The following RYR1 variants were observed in gnomAD, a reference collection of about 807,000 sequenced individuals.
RYR1 encodes ryanodine receptor 1, also known as central core disease of muscle.
RYR1 carries 342 observed loss-of-function variants against 583.5 expected under a neutral mutation model. The observed-to-expected ratio is 0.59, with a 90% confidence interval of 0.54 to 0.64. RYR1 has a LOEUF of 0.64. Among genes scored for constraint, RYR1 ranks in the 30% least tolerant of loss-of-function variants. RYR1 has a pLI of 0.00. For missense variants in RYR1, 6,032 were observed against 6,917.2 expected (o/e 0.87, Z 4.54); for synonymous variants, 2,791 against 2,822.5 (o/e 0.99, Z 0.35).
In RYR1 at chr19:38,490,096, T is replaced by C. The variant is rs1482663027; in HGVS notation, c.5835T>C (p.Tyr1945=). The change falls in exon 36 of 106, where the codon TAT becomes TAC. Residue 1945 remains tyrosine (Y), a synonymous_variant. Transcript: ENST00000359596. ...CACAGATGTGCCACCTGCTGGAGTA[T>C]TTCTGTGACCAAGAGCTGCAGCACC... ...VKLQMCHLLE[Y]FCDQELQHRV... is the part of the protein sequence containing the mutation. The C allele has an allele frequency of 1.2e-6, 2 of 1,614,146 alleles. No individual in the cohort carries two copies. The highest frequency in any genetic ancestry group is 1.7e-5 in the Admixed American group (1 of 60,024).
In RYR1 at chr19:38,464,677, A is replaced by G; in HGVS notation, c.2825A>G (p.Asp942Gly). The G allele has an allele frequency of 6.3e-7, 1 of 1,594,350 alleles. No homozygotes were observed. Among genetic ancestry groups the G allele is most frequent in the Non-Finnish European group, 8.5e-7 (1 of 1,170,720 alleles). The change falls in exon 23 of 106, where the codon GAT (aspartate) becomes GGT (glycine). Residue 942 changes from aspartate to glycine, a missense_variant. Coordinates refer to ENST00000359596, the MANE Select transcript of RYR1 (RefSeq NM_000540.3). ...CTGGGCTGCCACGTGGGCATGGCGG[A>G]TGAGAAGGCGGAGGACAACCTGAAG... ...LALGCHVGMA[D>G]EKAEDNLKKT...
At position 38,502,572 on chromosome 19, in the gene RYR1, G is replaced by T. The variant is rs752993876; in HGVS notation, c.7680G>T (p.Pro2560=). ...LNRYLCLAVL[P]LITKCAPLFA... Reference sequence around the variant, plus strand: ...GCTACCTGTGCCTGGCCGTGCTGCCGCTCATCACCAAGTGTGCGCCGCTCT... The same window carrying T: ...GCTACCTGTGCCTGGCCGTGCTGCCTCTCATCACCAAGTGTGCGCCGCTCT... The change falls in exon 48 of 106, where the codon CCG becomes CCT. Residue 2560 remains proline (P), a synonymous_variant. Transcript: ENST00000359596. 12 of 1,612,018 alleles carry T rather than the reference G, an allele frequency of 7.4e-6. No homozygotes were observed. In the East Asian group the frequency reaches 2.0e-4, roughly 27 times the overall value.
chr19:38,483,075 C>A lies in RYR1; in HGVS notation c.4669C>A (p.His1557Asn). Residue 1557 changes from histidine (H) to asparagine (N), a missense_variant, in exon 32 of 106, where the codon CAC becomes AAC. Around this residue, in one of 11 missense-constraint regions of RYR1, gnomAD observed 2,627 missense variants for 2,961.3 expected, o/e 0.89. Coordinates refer to ENST00000359596, the MANE Select transcript of RYR1 (RefSeq NM_000540.3). This position sits in a 1 kb window ranked among gnomAD's most constrained non-coding sequence, Gnocchi z 6.3. ...TCCTGCCGTCTTCGTCCTGCCCACC[C>A]ACCAGAACGTCATCCAGTTTGAGCT... ...LFPAVFVLPT[H>N]QNVIQFELGK... 6.2e-7 allele frequency: 1 copy of A among 1,614,158 alleles called. No individual in the cohort carries two copies. The highest frequency in any genetic ancestry group is 8.5e-7 in the Non-Finnish European group (1 of 1,180,018).
At chr19:38,468,822 T>G in intron 25 of RYR1, 144 bp from the exon 26 acceptor site, 2 of 795,806 alleles carry the variant, frequency 2.5e-6, no homozygotes, top group South Asian at 2.9e-5. Flanking sequence ...GGAGACACTG[T>G]GGGGTGACCC....
rs1378409281 is a variant in RYR1, at chr19:38,565,510, C to T, written c.13176C>T (p.His4392=). ...CCGACCCCACCAGCGACGAGGTGCA[C>T]GGCGAGCAGCCGGCCGGGCCGGGCG... The part of the protein sequence containing the change: ...GMPDPTSDEV[H]GEQPAGPGGD... The change falls in exon 91 of 106, where the codon CAC becomes CAT. Residue 4392 remains histidine, a synonymous_variant. Transcript: ENST00000359596. The surrounding 1 kb of genome is among the most constrained non-coding windows in gnomAD (Gnocchi z 4.7). 2 of 1,503,384 alleles carry T rather than the reference C, an allele frequency of 1.3e-6. No individual in the cohort carries two copies. Among genetic ancestry groups the T allele is most frequent in the African/African-American group, 1.4e-5 (1 of 69,064 alleles). The allele number at this position is 1,503,384 out of a possible 1,614,324, so 93.1% of individuals were successfully genotyped here. A position where few individuals can be genotyped will look rare whatever the true frequency, so the allele number is the denominator to read the frequency against.
At position 38,459,418 on chromosome 19, in the gene RYR1, C is replaced by T. The variant is rs1456442085; in HGVS notation, c.2360+80C>T. On this transcript the variant is annotated intron_variant, in intron 19 of 105. Transcript: ENST00000359596. ...ACAGCTTCCCCAGTCACTCCATGGTCCCCCAGGAGGCCAGGACACTGCAGC... is the reference window on the plus strand; with the variant it reads ...ACAGCTTCCCCAGTCACTCCATGGTTCCCCAGGAGGCCAGGACACTGCAGC... 4.4e-6 allele frequency: 6 copies of T among 1,368,018 alleles called. No individual in the cohort carries two copies. The East Asian group carries it at 1.2e-4, about 28-fold the overall frequency. The allele number at this position is 1,368,018 out of a possible 1,614,324, so 84.7% of individuals were successfully genotyped here.
intron 13 of RYR1, among the ~76,000 whole-genome samples, chr19:38,454,287 G>A (rs558399981): frequency 6.6e-6 from 1 of 152,248 alleles, no homozygotes; most frequent in East Asian, 1.9e-4. Context: ...TGATCCACCC[G>A]CCTCCACCTC....
chr19:38,460,423 C>T lies in RYR1; in HGVS notation c.2409C>T (p.Pro803=), dbSNP rs1020894686. 1.9e-6 allele frequency: 3 copies of T among 1,614,106 alleles called. No individual in the cohort carries two copies. The highest frequency in any genetic ancestry group is 2.5e-6 in the Non-Finnish European group (3 of 1,180,052). Residue 803 remains proline, a synonymous_variant, in exon 20 of 106, where the codon CCC becomes CCT. Coordinates refer to ENST00000359596, the MANE Select transcript of RYR1 (RefSeq NM_000540.3). Reference sequence around the variant, plus strand: ...GCCATGGTGAATTCAAGTTCCTGCCCCCACCTGGCTATGCTCCATGCCATG... The same window carrying T: ...GCCATGGTGAATTCAAGTTCCTGCCTCCACCTGGCTATGCTCCATGCCATG... The part of the protein sequence containing the change: ...GGRHGEFKFL[P]PPGYAPCHEA...
Position 38,527,722 on chromosome 19 carries a change from G to T in RYR1, c.10762G>T (p.Asp3588Tyr), listed in dbSNP as rs2145720123. ...CCCGGGTCGCGAGGAGGACGCCGATGACCCCGAGAAAATCGTGCGCAGAGT... is the reference window on the plus strand; with the variant it reads ...CCCGGGTCGCGAGGAGGACGCCGATTACCCCGAGAAAATCGTGCGCAGAGT... The part of the protein sequence containing the change: ...GVPGREEDAD[D>Y]PEKIVRRVQE... The change falls in exon 73 of 106, where the codon GAC becomes TAC. Residue 3588 changes from aspartate (D) to tyrosine (Y), a missense_variant. By Grantham distance (160) the Asp-to-Tyr change is radical. This residue lies in a region of RYR1 where 1,493 missense variants were observed against 1,715.5 expected (regional missense o/e 0.87). Transcript: ENST00000359596. 1 of 1,614,110 alleles carries T rather than the reference G, an allele frequency of 6.2e-7. No homozygotes were observed. The highest frequency in any genetic ancestry group is 8.5e-7 in the Non-Finnish European group (1 of 1,180,024).
At chr19:38,534,615 G>A in intron 78 of RYR1, 105 bp from the exon 79 acceptor site, 2 of 938,976 alleles carry the variant, frequency 2.1e-6, no homozygotes, top group Non-Finnish European at 3.4e-6. Context: ...GAAGGAGTGA[G>A]TTGTGGATGT....
intron 84 of RYR1, among the ~76,000 whole-genome samples, chr19:38,539,659 G>T (rs1323839657): frequency 1.3e-5 from 2 of 152,180 alleles, no homozygotes; most frequent in Non-Finnish European, 2.9e-5. Context: ...GAAAGGGATT[G>T]CTGTCTCCCA....
chr19:38,446,085 A>G (rs1052798739), intron 7 of RYR1, among the ~76,000 whole-genome samples: 2 of 152,138 alleles, frequency 1.3e-5, no homozygotes, highest in African/African-American at 4.8e-5. Context: ...TTCTAAACCC[A>G]GAGGCCAAAC....
chr19:38,574,677 C>G (rs1315522242), intron 96 of RYR1, among the ~76,000 whole-genome samples: 3 of 151,926 alleles, frequency 2.0e-5, no homozygotes, highest in Non-Finnish European at 4.4e-5. Flanking sequence ...TGCAATGAAT[C>G]AAAGCACTTC....
chr19:38,454,255 G>A (rs1600671935), intron 13 of RYR1, among the ~76,000 whole-genome samples: 1 of 152,164 alleles, frequency 6.6e-6, no homozygotes, highest in Non-Finnish European at 1.5e-5. Context: ...GGCCAGGCTC[G>A]TCTCAAACTC....
chr19:38,565,309 C>T lies in RYR1; in HGVS notation c.12975C>T (p.Ala4325=), dbSNP rs1599635182. The change falls in exon 91 of 106, where the codon GCC becomes GCT. Residue 4325 remains alanine, a synonymous_variant. Transcript: ENST00000359596. This position sits in a 1 kb window ranked among gnomAD's most constrained non-coding sequence, Gnocchi z 4.7. ...TGCGGCGGCTGCGGCGGCTTACGGC[C>T]CGCGAGGCGGCCACCGCAGTGGCGG... ...RRVRRLRRLT[A]REAATAVAAL... 1 of 1,121,598 alleles carries T rather than the reference C, an allele frequency of 8.9e-7. No individual in the cohort carries two copies. The highest frequency in any genetic ancestry group is 1.1e-6 in the Non-Finnish European group (1 of 918,334). 69.5% of individuals were successfully genotyped at this position (1,121,598 alleles called of 1,614,324 possible).
intron 93 of RYR1, among the ~76,000 whole-genome samples, chr19:38,568,802 C>CT (rs959753864): frequency 6.6e-6 from 1 of 151,396 alleles, no homozygotes; most frequent in Non-Finnish European, 1.5e-5. Flanking sequence ...TCATGTGGAA[C>CT]GAAGGTGGTT....
intron 58 of RYR1, among the ~76,000 whole-genome samples, chr19:38,508,915 C>G (rs575914858): frequency 6.6e-6 from 1 of 152,012 alleles, no homozygotes; most frequent in African/African-American, 2.4e-5. Flanking sequence ...GGACAGGAGC[C>G]GAAAAGGGTG....
chr19:38,461,262 G>A (rs754351473), intron 20 of RYR1, among the ~76,000 whole-genome samples: 12 of 152,234 alleles, frequency 7.9e-5, no homozygotes, highest in African/African-American at 2.9e-4. Context: ...GTGATACCCC[G>A]TCTTTATAGA....
At position 38,473,398 on chromosome 19, in the gene RYR1, G is replaced by T. The variant is rs770725171; in HGVS notation, c.3787G>T (p.Val1263Leu). 7 of 1,613,828 alleles carry T rather than the reference G, an allele frequency of 4.3e-6. No homozygotes were observed. Among genetic ancestry groups the T allele is most frequent in the Non-Finnish European group, 5.9e-6 (7 of 1,179,980 alleles). ...HYEVSRVDGTVDTPPCLRLTH... is the reference protein window; with the variant it reads ...HYEVSRVDGTLDTPPCLRLTH... The stretch of plus-strand genomic sequence containing the variant: ...TCAGGTATCCCGAGTGGACGGCACT[G>T]TGGACACGCCCCCCTGCCTGCGCCT... The change falls in exon 28 of 106, where the codon GTG (valine) becomes TTG (leucine). Residue 1263 changes from valine (V) to leucine (L), a missense_variant. Val to Leu is a conservative substitution (Grantham distance 32). Around this residue, in one of 11 missense-constraint regions of RYR1, gnomAD observed 2,627 missense variants for 2,961.3 expected, o/e 0.89. Coordinates refer to ENST00000359596, the MANE Select transcript of RYR1 (RefSeq NM_000540.3).
Sources: allele counts gnomAD v4.1 joint callset (sites outside exome capture counted in the v4.1 genomes callset), GRCh38; gene constraint gnomAD v4.1.1; regional missense constraint gnomAD v4.1.1; non-coding constraint Gnocchi (gnomAD v3.1); transcripts MANE v1.5; gene names NCBI Gene and HGNC (gene_info 2026-07-23, HGNC 2026-07-21).